CALCR: variants seen among roughly 807,000 people sequenced by gnomAD.
The protein encoded by CALCR is calcitonin receptor.
In CALCR, 47 loss-of-function variants were observed where a neutral mutation model predicts 59.5. The ratio of observed to expected loss-of-function variants is 0.79; its 90% CI spans 0.63 to 1.01. The LOEUF (loss-of-function observed/expected upper bound fraction) is 1.01. Among genes scored for constraint, CALCR ranks in the 50% least tolerant of loss-of-function variants. The pLI is 0.00. For synonymous variants in CALCR, 213 were observed against 211.3 expected (o/e 1.01, Z -0.07); for missense variants, 566 against 597.1 (o/e 0.95, Z 0.54).
At chr7:93,511,342 T>A (rs929253035) in intron 2 of CALCR, among the ~76,000 whole-genome samples, 1 of 152,090 alleles carries the variant, frequency 6.6e-6, no homozygotes, top group East Asian at 1.9e-4. Flanking sequence ...TTTTATGTCA[T>A]ATATATTTCA....
At chr7:93,541,668 G>A (rs1385038111) in intron 2 of CALCR, among the ~76,000 whole-genome samples, 1 of 152,134 alleles carries the variant, frequency 6.6e-6, no homozygotes, top group Non-Finnish European at 1.5e-5. Flanking sequence ...ACAAGATTGT[G>A]ACTTATGTGC....
At chr7:93,536,030 T>C (rs1715393659) in intron 2 of CALCR, among the ~76,000 whole-genome samples, 1 of 151,926 alleles carries the variant, frequency 6.6e-6, no homozygotes, top group Admixed American at 6.6e-5. Flanking sequence ...TTATTATCTG[T>C]ATGTATGTCT....
chr7:93,517,123 A>G (rs1004833585), intron 2 of CALCR, among the ~76,000 whole-genome samples: 1 of 151,724 alleles, frequency 6.6e-6, no homozygotes, highest in African/African-American at 2.4e-5. Flanking sequence ...TCTATTATGG[A>G]CTTCACAAGT....
At chr7:93,437,800 A>T (rs193039729) in intron 11 of CALCR, among the ~76,000 whole-genome samples, 1 of 152,292 alleles carries the variant, frequency 6.6e-6, no homozygotes, top group East Asian at 1.9e-4. Flanking sequence ...GAATCTAGTT[A>T]TAAAAATCTT....
chr7:93,494,380 C>CT (rs1801152291), intron 2 of CALCR, among the ~76,000 whole-genome samples: 1 of 151,384 alleles, frequency 6.6e-6, no homozygotes, highest in Non-Finnish European at 1.5e-5. Flanking sequence ...CCCCCATGGT[C>CT]TTAAAGCCCC....
chr7:93,569,935 G>GACACACAC (rs3068441), intron 2 of CALCR, among the ~76,000 whole-genome samples: 2,886 of 144,058 alleles, frequency 0.02, 53 homozygotes, highest in South Asian at 0.051. Flanking sequence ...GATGTAAAGG[G>GACACACAC]ACACACACAC....
intron 3 of CALCR, among the ~76,000 whole-genome samples, chr7:93,481,508 G>A (rs1356756191): frequency 1.3e-5 from 2 of 151,684 alleles, no homozygotes; most frequent in African/African-American, 4.8e-5. Context: ...GATATTTGGG[G>A]AAAAAAATAG....
At chr7:93,428,709 C>G (rs185440752) in intron 13 of CALCR, among the ~76,000 whole-genome samples, 3 of 151,344 alleles carry the variant, frequency 2.0e-5, no homozygotes, top group Admixed American at 1.3e-4. Flanking sequence ...ATGGCATGAA[C>G]CTGGGAGGCG....
intron 8 of CALCR, among the ~76,000 whole-genome samples, chr7:93,455,061 A>G (rs1800183152): frequency 6.6e-6 from 1 of 151,980 alleles, no homozygotes; most frequent in Admixed American, 6.6e-5. Flanking sequence ...TAACTTTTTA[A>G]TATATCCCCA....
At chr7:93,449,431 C>T (rs1387514804) in intron 8 of CALCR, among the ~76,000 whole-genome samples, 1 of 151,998 alleles carries the variant, frequency 6.6e-6, no homozygotes, top group East Asian at 1.9e-4. Flanking sequence ...TATATCTAGA[C>T]TACATATTGA....
Position 93,460,885 on chromosome 7 carries a change from G to T in CALCR, c.584C>A (p.Ser195Tyr). Residue 195 changes from serine (S) to tyrosine (Y), a missense_variant, in exon 8 of 14, where the codon TCT becomes TAT. Coordinates refer to ENST00000426151, the MANE Select transcript of CALCR (RefSeq NM_001742.4). ...KNMFLTYILN[S>Y]MIIIIHLVEV... ...AACCAGGTGGATGATGATAATCATA[G>T]AATTCAGAATGTAAGTAAGAAACAT... 1 of 1,611,380 alleles carries T rather than the reference G, an allele frequency of 6.2e-7. No individual in the cohort carries two copies.
intron 2 of CALCR, among the ~76,000 whole-genome samples, chr7:93,557,596 A>C (rs1390302178): frequency 6.6e-6 from 1 of 151,898 alleles, no homozygotes. Flanking sequence ...TAGAAATTTT[A>C]TATTTAGATA....
At chr7:93,546,424 A>C (rs1466465783) in intron 2 of CALCR, among the ~76,000 whole-genome samples, 1 of 152,184 alleles carries the variant, frequency 6.6e-6, no homozygotes, top group African/African-American at 2.4e-5. Context: ...ATAAAGGTTA[A>C]ATAATGTATT....
intron 2 of CALCR, among the ~76,000 whole-genome samples, chr7:93,515,680 C>T (rs1015355363): frequency 2.0e-5 from 3 of 151,868 alleles, no homozygotes; most frequent in Non-Finnish European, 4.4e-5. Context: ...TTGCTGTCAG[C>T]CAGAAGGCAG....
intron 2 of CALCR, among the ~76,000 whole-genome samples, chr7:93,545,125 A>C (rs905817947): frequency 6.6e-6 from 1 of 152,102 alleles, no homozygotes; most frequent in African/African-American, 2.4e-5. Flanking sequence ...TACTCATGTG[A>C]TATATGTATC....
At chr7:93,552,356 G>A (rs930128385) in intron 2 of CALCR, among the ~76,000 whole-genome samples, 7 of 152,144 alleles carry the variant, frequency 4.6e-5, no homozygotes, top group Admixed American at 6.6e-5. Context: ...GATGGAACTC[G>A]GGTGTCCTAA....
At chr7:93,532,792 A>T (rs984425872) in intron 2 of CALCR, among the ~76,000 whole-genome samples, 1 of 145,390 alleles carries the variant, frequency 6.9e-6, no homozygotes, top group Admixed American at 7.1e-5. Flanking sequence ...CAGGAATTCA[A>T]TACAAATCTA....
chr7:93,548,935 C>T (rs1245979703), intron 2 of CALCR, among the ~76,000 whole-genome samples: 1 of 148,944 alleles, frequency 6.7e-6, no homozygotes, highest in East Asian at 2.0e-4. Flanking sequence ...TTAAGATTTA[C>T]ATTTTTATAC....
chr7:93,465,132 A>G lies in CALCR; in HGVS notation c.521+3583T>C, dbSNP rs548800573. Among the ~76,000 whole-genome samples, 33 of 152,160 alleles carry G rather than the reference A, an allele frequency of 2.2e-4. No individual in the cohort carries two copies. In the South Asian group the frequency reaches 5.8e-3, roughly 27 times the overall value. On this transcript the variant is annotated intron_variant, in intron 7 of 13. Transcript: ENST00000426151. ...AAAGACATGGATAACAATGAGTCAA[A>G]ATAAATGCTAATGAATGGTCTGTTA...
Sources: allele counts gnomAD v4.1 joint callset (sites outside exome capture counted in the v4.1 genomes callset), GRCh38; gene constraint gnomAD v4.1.1; transcripts MANE v1.5; gene names NCBI Gene and HGNC (gene_info 2026-07-23, HGNC 2026-07-21).